Variants in ACP5 observed in about 807,000 individuals in gnomAD.
The protein encoded by ACP5 is tartrate-resistant acid phosphatase type 5.
In ACP5, 24 loss-of-function variants were observed where a neutral mutation model predicts 28.7. The observed-to-expected ratio is 0.84, with a 90% confidence interval of 0.61 to 1.18. ACP5 has a LOEUF of 1.18. Among genes scored for constraint, ACP5 ranks in the 50% most tolerant of loss-of-function variants. The probability of loss-of-function intolerance (pLI) is 0.00; values close to 1 mark genes in which losing one functional copy is unlikely to be tolerated. For synonymous variants in ACP5, 154 were observed against 181.4 expected, an observed-to-expected ratio of 0.85 and a Z score of 1.21; for missense variants, 354 against 422.2, an observed-to-expected ratio of 0.84 and a Z score of 1.42.
rs202169550 is a variant in ACP5, at chr19:11,576,434, G to A, written c.544C>T (p.Arg182Cys). The A allele has an allele frequency of 9.3e-5, 150 of 1,614,016 alleles. 1 individual carries two copies. The African/African-American group carries it at 1.5e-3, about 16-fold the overall frequency. Reference sequence around the variant, plus strand: ...TTCTTGAGCCAGGACAGCTGTGTGCGGGCCAGCTTCACGTCTCGGGGCCTC... The same window carrying A: ...TTCTTGAGCCAGGACAGCTGTGTGCAGGCCAGCTTCACGTCTCGGGGCCTC... ...PERPRDVKLARTQLSWLKKQL... is the reference protein window; with the variant it reads ...PERPRDVKLACTQLSWLKKQL... Residue 182 changes from arginine to cysteine, a missense_variant, in exon 4 of 5, where the codon CGC becomes TGC. Coordinates refer to ENST00000648477, the MANE Select transcript of ACP5 (RefSeq NM_001611.5).
chr19:11,576,199 G>C (rs779109113), intron 4 of ACP5, 44 bp downstream of exon 4: 155 of 1,569,646 alleles, frequency 9.9e-5, no homozygotes, highest in Middle Eastern at 4.5e-4. Flanking sequence ...GCTGGGATGG[G>C]GACCCCCCTC....
chr19:11,574,969 A>G lies in ACP5; in HGVS notation c.*41T>C, dbSNP rs1254917920. On this transcript the variant is annotated 3_prime_UTR_variant, in exon 5 of 5. Transcript: ENST00000648477. ...GGTCCCGGCAGGGCCCACCCACCCA[A>G]CAGTGGAGATCGGGCCTCAGAGCTG... The G allele has an allele frequency of 6.2e-7, 1 of 1,612,940 alleles. No individual in the cohort carries two copies. Among genetic ancestry groups the G allele is most frequent in the African/African-American group, 1.3e-5 (1 of 74,918 alleles).
At position 11,576,360 on chromosome 19, in the gene ACP5, G is replaced by A. The variant is rs1251215582; in HGVS notation, c.618C>T (p.Tyr206=). The change falls in exon 4 of 5, where the codon TAC becomes TAT. Residue 206 remains tyrosine, a synonymous_variant. Transcript: ENST00000648477. ...CGTGCTCGGCTATGGACCACACGGG[G>A]TAGTGGCCAGCCACCAGCACGTAGT... ...REDYVLVAGH[Y]PVWSIAEHGP... is the part of the protein sequence containing the mutation. The A allele has an allele frequency of 1.9e-6, 3 of 1,610,280 alleles. No homozygotes were observed. The highest frequency in any genetic ancestry group is 1.7e-5 in the Admixed American group (1 of 59,924).
rs576814737 is a variant in ACP5 at position 11,574,685 on chromosome 19, T to C, written c.*325A>G. The C allele has an allele frequency of 2.4e-5, 10 of 416,908 alleles. No individual in the cohort carries two copies. Among genetic ancestry groups the C allele is most frequent in the East Asian group, 5.4e-5 (1 of 18,676 alleles). The allele number at this position is 416,908 out of a possible 1,614,324, so 25.8% of individuals were successfully genotyped here. A position where few individuals can be genotyped will look rare whatever the true frequency, so the allele number is the denominator to read the frequency against. On this transcript the variant is annotated 3_prime_UTR_variant, in exon 5 of 5. Coordinates refer to ENST00000648477, the MANE Select transcript of ACP5 (RefSeq NM_001611.5). ...TTCAGCCTTGGCAACTATTCTTTTA[T>C]TGAACATCAGTAACAGAAAGATGCT... is the stretch of plus-strand genomic sequence containing the variant.
Position 11,576,801 on chromosome 19 carries a change from CT to C in ACP5, c.303del (p.Val102CysfsTer6). 1.9e-6 allele frequency: 3 copies of C among 1,614,126 alleles called. No individual in the cohort carries two copies. Among genetic ancestry groups the C allele is most frequent in the Non-Finnish European group, 1.7e-6 (2 of 1,180,034 alleles). On this transcript the variant is annotated frameshift_variant, in exon 3 of 5. Transcript: ENST00000648477. LOFTEE classifies it high-confidence loss of function. Reference protein sequence around the residue: ...EDVFSDRSLRKVPWYVLAGNH... With the variant: ...EDVFSDRSLRXVPWYVLAGNH... ...TTTCCGGCTAGCACGTACCAGGGCA[CT>C]TTGCGAAGGGAGCGGTCAGAGAATA... is the stretch of plus-strand genomic sequence containing the variant.
rs565683324 is a variant in ACP5, at chr19:11,574,976, A to G, written c.*34T>C. On this transcript the variant is annotated 3_prime_UTR_variant, in exon 5 of 5. Coordinates refer to ENST00000648477, the MANE Select transcript of ACP5 (RefSeq NM_001611.5). Reference sequence around the variant, plus strand: ...GCAGGGCCCACCCACCCAACAGTGGAGATCGGGCCTCAGAGCTGGGCAGTC... The same window carrying G: ...GCAGGGCCCACCCACCCAACAGTGGGGATCGGGCCTCAGAGCTGGGCAGTC... 20 of 1,613,534 alleles carry G rather than the reference A, an allele frequency of 1.2e-5. No homozygotes were observed. The African/African-American group carries it at 2.3e-4, about 18-fold the overall frequency.
At position 11,575,168 on chromosome 19, in the gene ACP5, C is replaced by A. The variant is rs1973082824; in HGVS notation, c.820G>T (p.Val274Phe). The change falls in exon 5 of 5, where the codon GTC becomes TTC. Residue 274 changes from valine (V) to phenylalanine (F), a missense_variant. By Grantham distance (50) the Val-to-Phe change is conservative (BLOSUM62 -1). Coordinates refer to ENST00000648477, the MANE Select transcript of ACP5 (RefSeq NM_001611.5). ...MDPSKRHQRK[V>F]PNGYLRFHYG... Reference sequence around the variant, plus strand: ...TGGAAGCGCAGATAGCCGTTGGGGACCTTGCGCTGGTGCCGCTTTGAGGGG... The same window carrying A: ...TGGAAGCGCAGATAGCCGTTGGGGAACTTGCGCTGGTGCCGCTTTGAGGGG... 6.2e-7 allele frequency: 1 copy of A among 1,614,046 alleles called. No homozygotes were observed. The highest frequency in any genetic ancestry group is 1.3e-5 in the African/African-American group (1 of 74,932).
In ACP5 at chr19:11,576,939, G is replaced by A. The variant is rs577018427; in HGVS notation, c.262-96C>T. On this transcript the variant is annotated intron_variant, in intron 2 of 4. Coordinates refer to ENST00000648477, the MANE Select transcript of ACP5 (RefSeq NM_001611.5). ...GATAAGGGAGACACTGAATGCTCCC[G>A]GCGCCCAAAGGTGCCCCATCACCTT... The A allele has an allele frequency of 2.9e-5, 47 of 1,607,526 alleles. No homozygotes were observed. In the African/African-American group the frequency reaches 3.1e-4, roughly 11 times the overall value.
At position 11,576,548 on chromosome 19, in the gene ACP5, G is replaced by C; in HGVS notation, c.430C>G (p.Pro144Ala). ...SPFYRLHFKI[P>A]QTNVSVAIFM... ...ATGGCCACAGACACATTGGTCTGTG[G>C]GATCTTGAAGTGCAGGCGGTAGAAA... Residue 144 changes from proline (P) to alanine (A), a missense_variant, in exon 4 of 5, where the codon CCA (proline) becomes GCA (alanine). Pro to Ala is a conservative substitution (Grantham distance 27). Coordinates refer to ENST00000648477, the MANE Select transcript of ACP5 (RefSeq NM_001611.5). 1.2e-6 allele frequency: 2 copies of C among 1,613,868 alleles called. No individual in the cohort carries two copies. Among genetic ancestry groups the C allele is most frequent in the Non-Finnish European group, 1.7e-6 (2 of 1,179,802 alleles).
In ACP5 at chr19:11,575,160, G is replaced by T; in HGVS notation, c.828C>A (p.Asn276Lys). 1 of 1,614,168 alleles carries T rather than the reference G, an allele frequency of 6.2e-7. No individual in the cohort carries two copies. Among genetic ancestry groups the T allele is most frequent in the South Asian group, 1.1e-5 (1 of 91,092 alleles). The change falls in exon 5 of 5, where the codon AAC becomes AAA. Residue 276 changes from asparagine to lysine, a missense_variant. Physicochemically the swap from Asn to Lys is moderately conservative, Grantham distance 94. Transcript: ENST00000648477. ...TCCCATAGTGGAAGCGCAGATAGCCGTTGGGGACCTTGCGCTGGTGCCGCT... is the reference window on the plus strand; with the variant it reads ...TCCCATAGTGGAAGCGCAGATAGCCTTTGGGGACCTTGCGCTGGTGCCGCT... ...PSKRHQRKVP[N>K]GYLRFHYGTE...
rs1973175317 is a variant in ACP5 at position 11,576,760 on chromosome 19, G to T, written c.345C>A (p.Gly115=). 2 of 1,613,966 alleles carry T rather than the reference G, an allele frequency of 1.2e-6. No homozygotes were observed. The highest frequency in any genetic ancestry group is 2.7e-5 in the African/African-American group (2 of 74,888). ...YVLAGNHDHL[G]NVSAQIAYSK... ...AGTATGCAATCTGGGCAGAGACATT[G>T]CCAAGGTGGTCATGGTTTCCGGCTA... is the stretch of plus-strand genomic sequence containing the variant. Residue 115 remains glycine (G), a synonymous_variant, in exon 3 of 5, where the codon GGC becomes GGA. Transcript: ENST00000648477.
In ACP5 at chr19:11,574,832, C is replaced by T. The variant is rs1239542308; in HGVS notation, c.*178G>A. ...CACATGTCCATGTGTGTTTCACATA[C>T]GTGGGCATCTGTGCCACAAGGGTCA... On this transcript the variant is annotated 3_prime_UTR_variant, in exon 5 of 5. Transcript: ENST00000648477. 23 of 493,722 alleles carry T rather than the reference C, an allele frequency of 4.7e-5. No homozygotes were observed. The East Asian group carries it at 4.7e-4, about 10-fold the overall frequency. The allele number at this position is 493,722 out of a possible 1,614,324, so 30.6% of individuals were successfully genotyped here. A position where few individuals can be genotyped will look rare whatever the true frequency, so the allele number is the denominator to read the frequency against.
In ACP5 at chr19:11,575,155, T is replaced by A; in HGVS notation, c.833A>T (p.Tyr278Phe). 1 of 1,614,158 alleles carries A rather than the reference T, an allele frequency of 6.2e-7. No individual in the cohort carries two copies. ...TTCAGTCCCATAGTGGAAGCGCAGA[T>A]AGCCGTTGGGGACCTTGCGCTGGTG... ...KRHQRKVPNGYLRFHYGTEDS... is the reference protein window; with the variant it reads ...KRHQRKVPNGFLRFHYGTEDS... The change falls in exon 5 of 5, where the codon TAT (tyrosine) becomes TTT (phenylalanine). Residue 278 changes from tyrosine to phenylalanine, a missense_variant. By Grantham distance (22) the Tyr-to-Phe change is conservative (BLOSUM62 3). Transcript: ENST00000648477.
At chr19:11,575,401 T>A in intron 4 of ACP5, 149 bp from the exon 5 acceptor site, 3 of 935,144 alleles carry the variant, frequency 3.2e-6, no homozygotes, top group Non-Finnish European at 5.0e-6. Flanking sequence ...AGGAGTGTAT[T>A]AATCCTATTT....
In ACP5 at chr19:11,576,006, C is replaced by CAAAAAAAAAAAAAAAA. The variant is rs3035420; in HGVS notation, c.735+221_735+236dup. Among the ~76,000 whole-genome samples the CAAAAAAAAAAAAAAAA allele has an allele frequency of 2.0e-3, 107 of 52,784 alleles. 1 individual carries two copies. Among genetic ancestry groups the CAAAAAAAAAAAAAAAA allele is most frequent in the African/African-American group, 8.5e-3 (102 of 11,970 alleles). The allele number at this position is 52,784 out of a possible 152,430, so 34.6% of individuals were successfully genotyped here. ...GTGAAAAACAATGAAACCTTGTCTC[C>CAAAAAAAAAAAAAAAA]AAAAAAAAAAAAAAAAAAGAGCTTA... On this transcript the variant is annotated intron_variant, in intron 4 of 4. Transcript: ENST00000648477.
Position 11,576,608 on chromosome 19 carries a change from C to T in ACP5, c.390-20G>A, listed in dbSNP as rs978324600. 9 of 1,613,296 alleles carry T rather than the reference C, an allele frequency of 5.6e-6. No homozygotes were observed. Among genetic ancestry groups the T allele is most frequent in the Admixed American group, 3.3e-5 (2 of 59,944 alleles). On this transcript the variant is annotated intron_variant, in intron 3 of 4. Coordinates refer to ENST00000648477, the MANE Select transcript of ACP5 (RefSeq NM_001611.5). ...AAGTTCCTGTGGAGGGGATAGAGGT[C>T]GTGGGTGCACATCTTGGGCGCAGAA...
intron 4 of ACP5, 120 bp from the exon 5 acceptor site, chr19:11,575,372 C>T: frequency 8.3e-7 from 1 of 1,204,322 alleles, no homozygotes; most frequent in Non-Finnish European, 1.2e-6. Flanking sequence ...CCCCTCCTGG[C>T]TTCAATTTCC....
chr19:11,578,821 C>T (rs1973270739), upstream of ACP5: 1 of 152,300 alleles, frequency 6.6e-6, no homozygotes, highest in African/African-American at 2.4e-5. Flanking sequence ...GAGACCCCTC[C>T]CACGGGGCCG....
At chr19:11,575,330 C>T (rs1973092516) in intron 4 of ACP5, 78 bp from the exon 5 acceptor site, 1 of 1,575,404 alleles carries the variant, frequency 6.3e-7, no homozygotes, top group Middle Eastern at 1.7e-4. Context: ...CTCGATCTGG[C>T]CCTAACCACA....
Sources: allele counts gnomAD v4.1 joint callset (sites outside exome capture counted in the v4.1 genomes callset), GRCh38; gene constraint gnomAD v4.1.1; transcripts MANE v1.5; gene names NCBI Gene and HGNC (gene_info 2026-07-23, HGNC 2026-07-21).